The following SPARC variants were observed in gnomAD, a reference collection of about 807,000 sequenced individuals.
SPARC encodes the protein secreted protein acidic and cysteine rich.
Under a neutral mutation model 37.7 loss-of-function variants are expected in SPARC, and 23 were observed. The ratio of observed to expected loss-of-function variants is 0.61; its 90% CI spans 0.44 to 0.87. SPARC has a LOEUF of 0.87. Ranked by LOEUF, SPARC falls within the 40% of genes least tolerant of loss-of-function variation. The pLI is 0.00. For missense variants in SPARC, 312 were observed against 389.0 expected (o/e 0.80, Z 1.66); for synonymous variants, 155 against 150.8 (o/e 1.03, Z -0.20).
chr5:151,669,820 C>G, intron 5 of SPARC, 36 bp from the exon 6 acceptor site: 4 of 1,612,454 alleles, frequency 2.5e-6, no homozygotes, highest in Non-Finnish European at 3.4e-6. Context: ...CTCCTTCATT[C>G]CCAAAGCCCT....
chr5:151,677,935 G>A (rs1355873707), intron 1 of SPARC, among the ~76,000 whole-genome samples: 1 of 152,198 alleles, frequency 6.6e-6, no homozygotes, highest in Non-Finnish European at 1.5e-5. Flanking sequence ...CTTGTGGAAT[G>A]TTCCTCCCCT....
intron 6 of SPARC, 33 bp from the exon 7 acceptor site, chr5:151,667,633 AC>A (rs777023582): frequency 1.9e-6 from 3 of 1,611,098 alleles, no homozygotes; most frequent in Non-Finnish European, 2.5e-6. Flanking sequence ...GTCAGCACAG[AC>A]CCTGCCTGGG....
chr5:151,668,759 T>C (rs74434949), intron 6 of SPARC, among the ~76,000 whole-genome samples: 12,773 of 152,172 alleles, frequency 0.084, 1,797 homozygotes, highest in African/African-American at 0.29. Flanking sequence ...TCTCTAGTCT[T>C]GCTGCCCAGG....
chr5:151,676,359 C>G (rs1352946799), intron 1 of SPARC, among the ~76,000 whole-genome samples, 158 bp from the exon 2 acceptor site: 1 of 152,226 alleles, frequency 6.6e-6, no homozygotes. Flanking sequence ...TCTTTCAATT[C>G]TGCTTATATG....
rs946482161 is a variant in SPARC, at chr5:151,674,162, C to A, written c.120+450G>T. Among the ~76,000 whole-genome samples the A allele has an allele frequency of 2.0e-5, 3 of 152,052 alleles. No individual in the cohort carries two copies. In the South Asian group the frequency reaches 6.2e-4, roughly 32 times the overall value. On this transcript the variant is annotated intron_variant, in intron 3 of 9. Coordinates refer to ENST00000231061, the MANE Select transcript of SPARC (RefSeq NM_003118.4). ...GAGTAGCTGGGATTACAGGCACCCG[C>A]CACCACGCCCAGCTAATTTTTTGTA...
chr5:151,669,913 T>C, intron 5 of SPARC, 129 bp from the exon 6 acceptor site: 2 of 1,275,420 alleles, frequency 1.6e-6, no homozygotes, highest in Non-Finnish European at 2.2e-6. Flanking sequence ...TGAGGTCATA[T>C]AGTGAGTTAG....
chr5:151,678,319 G>A (rs1247172606), intron 1 of SPARC, among the ~76,000 whole-genome samples: 3 of 152,164 alleles, frequency 2.0e-5, no homozygotes, highest in African/African-American at 7.2e-5. Context: ...TCTGTGACCA[G>A]GGGAAGGTTT....
chr5:151,674,523 G>A, intron 3 of SPARC, 89 bp downstream of exon 3: 1 of 1,207,406 alleles, frequency 8.3e-7, no homozygotes, highest in Non-Finnish European at 1.2e-6. Flanking sequence ...CCCCACTCTA[G>A]CATTGAGACC....
intron 1 of SPARC, among the ~76,000 whole-genome samples, chr5:151,685,402 T>C (rs1263377301): frequency 2.3e-5 from 3 of 132,642 alleles, no homozygotes; most frequent in African/African-American, 8.9e-5. Flanking sequence ...CCTCTCTCTC[T>C]CTCTCTCTCC....
intron 1 of SPARC, chr5:151,686,003 T>C (rs1761131352): frequency 6.6e-6 from 1 of 152,142 alleles, no homozygotes; most frequent in East Asian, 1.9e-4. Context: ...TGGACACTAG[T>C]CTTGGGTGGA....
At chr5:151,680,664 G>C (rs1232627280) in intron 1 of SPARC, among the ~76,000 whole-genome samples, 2 of 152,132 alleles carry the variant, frequency 1.3e-5, no homozygotes, top group African/African-American at 4.8e-5. Context: ...GAATATACAG[G>C]TTCAAATCCT....
At chr5:151,668,563 G>T (rs1760680947) in intron 6 of SPARC, among the ~76,000 whole-genome samples, 1 of 152,180 alleles carries the variant, frequency 6.6e-6, no homozygotes, top group African/African-American at 2.4e-5. Context: ...GTGGTCACCT[G>T]GGGGCTTAGG....
chr5:151,676,499 C>A (rs962143672), intron 1 of SPARC, among the ~76,000 whole-genome samples: 2 of 152,184 alleles, frequency 1.3e-5, no homozygotes, highest in Non-Finnish European at 2.9e-5. Context: ...CCAGCTGGAA[C>A]TGAATCAAGT....
rs1188807775 is a variant in SPARC, at chr5:151,666,502, T to G, written c.593A>C (p.Lys198Thr). Reference sequence around the variant, plus strand: ...CAGGCGCTTCTCATTCTCATGGATCTTCTTCACCTGAGGGAGTAGAGACTG... The same window carrying G: ...CAGGCGCTTCTCATTCTCATGGATCGTCTTCACCTGAGGGAGTAGAGACTG... ...LTEKQKLRVK[K>T]IHENEKRLEA... is the part of the protein sequence containing the mutation. The change falls in exon 8 of 10, where the codon AAG becomes ACG. Residue 198 changes from lysine (K) to threonine (T), a missense_variant. Lys to Thr is a moderately conservative substitution (Grantham distance 78). Transcript: ENST00000231061. 6.2e-7 allele frequency: 1 copy of G among 1,613,944 alleles called. No individual in the cohort carries two copies. The highest frequency in any genetic ancestry group is 2.2e-5 in the East Asian group (1 of 44,876).
intron 9 of SPARC, among the ~76,000 whole-genome samples, 189 bp downstream of exon 9, chr5:151,663,898 G>A (rs1760566789): frequency 6.6e-6 from 1 of 152,230 alleles, no homozygotes; most frequent in Admixed American, 6.5e-5. Context: ...GAGAGGGACA[G>A]TTGGATGGAC....
intron 1 of SPARC, among the ~76,000 whole-genome samples, chr5:151,678,783 G>A (rs1760919801): frequency 6.6e-6 from 1 of 152,150 alleles, no homozygotes; most frequent in South Asian, 2.1e-4. Context: ...AAAAGTTTTG[G>A]AAGAAAACTG....
intron 8 of SPARC, 72 bp downstream of exon 8, chr5:151,666,289 A>G: frequency 1.3e-6 from 2 of 1,510,298 alleles, no homozygotes; most frequent in Non-Finnish European, 9.0e-7. Context: ...TAGGCTGCTG[A>G]GAGGCTTTCT....
chr5:151,672,374 G>A (rs1447334138), intron 4 of SPARC, among the ~76,000 whole-genome samples: 1 of 152,120 alleles, frequency 6.6e-6, no homozygotes, highest in Non-Finnish European at 1.5e-5. Context: ...TAATCCTTTA[G>A]CGGATGCCTA....
chr5:151,667,356 G>C, intron 7 of SPARC, 111 bp downstream of exon 7: 1 of 1,232,890 alleles, frequency 8.1e-7, no homozygotes, highest in Non-Finnish European at 1.2e-6. Context: ...GTGCTCAGGG[G>C]TAAATGCACG....
Sources: gnomAD v4.1 joint callset for allele counts (sites outside exome capture counted in the v4.1 genomes callset) on GRCh38, gnomAD v4.1.1 for gene constraint, MANE v1.5 for transcripts, NCBI Gene and HGNC (gene_info 2026-07-23, HGNC 2026-07-21) for gene names.